FRMD4A: variants seen among roughly 807,000 people sequenced by gnomAD.
FRMD4A encodes FERM domain containing 4A, also known as FERM domain-containing protein 4A.
FRMD4A carries 29 observed loss-of-function variants against 129.1 expected under a neutral mutation model. The observed-to-expected ratio is 0.22, with a 90% CI of 0.17 to 0.31. FRMD4A has a LOEUF of 0.31. Among genes scored for constraint, FRMD4A ranks in the 10% least tolerant of loss-of-function variants. The pLI is 1.00. For missense variants in FRMD4A, 1,272 were observed against 1,375.8 expected (o/e 0.92, Z 1.19); for synonymous variants, 634 against 571.6 (o/e 1.11, Z -1.56).
At chr10:14,038,061 G>A (rs781467933) in intron 2 of FRMD4A, among the ~76,000 whole-genome samples, 5 of 152,184 alleles carry the variant, frequency 3.3e-5, no homozygotes, top group Admixed American at 1.3e-4. Flanking sequence ...GGTGGCTCAC[G>A]CCAGTAATCC....
chr10:14,010,129 CAAT>C (rs1039528173), intron 2 of FRMD4A, among the ~76,000 whole-genome samples: 3 of 151,924 alleles, frequency 2.0e-5, no homozygotes, highest in African/African-American at 7.3e-5. Flanking sequence ...GTGGGGGGGA[CAAT>C]GATGAGATGG....
intron 3 of FRMD4A, among the ~76,000 whole-genome samples, chr10:13,852,252 T>C (rs1478141660): frequency 6.6e-6 from 1 of 152,012 alleles, no homozygotes; most frequent in East Asian, 1.9e-4. Context: ...GATTTTAATT[T>C]TTTTTTTTTT....
In FRMD4A at chr10:13,701,368, T is replaced by C; in HGVS notation, c.947A>G (p.Gln316Arg). The C allele has an allele frequency of 6.2e-7, 1 of 1,614,090 alleles. No individual in the cohort carries two copies. The highest frequency in any genetic ancestry group is 2.2e-5 in the East Asian group (1 of 44,884). ...SIWAMAISQH[Q>R]FYLDRKQSKS... is the part of the protein sequence containing the mutation. Reference sequence around the variant, plus strand: ...ACTCTGCTTTCTGTCCAGATAGAACTGGTGTTGGCTTATGGCCATAGCCCA... The same window carrying C: ...ACTCTGCTTTCTGTCCAGATAGAACCGGTGTTGGCTTATGGCCATAGCCCA... The change falls in exon 14 of 25, where the codon CAG becomes CGG. Residue 316 changes from glutamine to arginine, a missense_variant. Gln to Arg is a conservative substitution (Grantham distance 43, BLOSUM62 1). Coordinates refer to ENST00000357447, the MANE Select transcript of FRMD4A (RefSeq NM_018027.5).
intron 2 of FRMD4A, among the ~76,000 whole-genome samples, chr10:14,009,968 C>T (rs899820881): frequency 6.6e-6 from 1 of 152,168 alleles, no homozygotes; most frequent in Non-Finnish European, 1.5e-5. Context: ...GAACGATACC[C>T]GATGATTGAG....
rs74122400 is a variant in FRMD4A, at chr10:14,214,695, A to G, written c.45+115363T>C. Among the ~76,000 whole-genome samples, 537 of 152,308 alleles carry G rather than the reference A, an allele frequency of 3.5e-3. 3 individuals are homozygous for G. Among genetic ancestry groups the G allele is most frequent in the African/African-American group, 0.012 (488 of 41,560 alleles). ...GAATGTTTATAGTCCTATTTTCTATAGATAATCTTGTGTTTGATATATTTC... is the reference window on the plus strand; with the variant it reads ...GAATGTTTATAGTCCTATTTTCTATGGATAATCTTGTGTTTGATATATTTC... On this transcript the variant is annotated intron_variant, in intron 2 of 24. Coordinates refer to ENST00000357447, the MANE Select transcript of FRMD4A (RefSeq NM_018027.5).
chr10:13,974,673 C>T (rs1350876140), intron 2 of FRMD4A, among the ~76,000 whole-genome samples: 2 of 152,124 alleles, frequency 1.3e-5, no homozygotes, highest in Non-Finnish European at 2.9e-5. Flanking sequence ...ATTACAGGCA[C>T]CCGCCACCAT....
At chr10:13,669,527 T>A (rs1255200881) in intron 17 of FRMD4A, among the ~76,000 whole-genome samples, 1 of 152,204 alleles carries the variant, frequency 6.6e-6, no homozygotes. Flanking sequence ...CTACCCCAGG[T>A]GTCCGTTTCT....
chr10:14,330,745 A>G lies in FRMD4A; in HGVS notation c.-230T>C, dbSNP rs975881374. On this transcript the variant is annotated 5_prime_UTR_variant, in exon 1 of 25. Coordinates refer to ENST00000357447, the MANE Select transcript of FRMD4A (RefSeq NM_018027.5). ...GCAAATGCCCTTACCATCCCCGAGG[A>G]GGAAGTCACTTAGGAACTGACCCTT... is the stretch of plus-strand genomic sequence containing the variant. 4 of 398,786 alleles carry G rather than the reference A, an allele frequency of 1.0e-5. No individual in the cohort carries two copies. Among genetic ancestry groups the G allele is most frequent in the African/African-American group, 8.2e-5 (4 of 48,608 alleles). 24.7% of individuals were successfully genotyped at this position (398,786 alleles called of 1,614,324 possible).
At chr10:14,013,010 G>A (rs2095687253) in intron 2 of FRMD4A, among the ~76,000 whole-genome samples, 1 of 152,238 alleles carries the variant, frequency 6.6e-6, no homozygotes, top group Admixed American at 6.5e-5. Context: ...AGATGCTGTC[G>A]TGACACTCCC....
In FRMD4A at chr10:13,905,810, C is replaced by T. The variant is rs561825901; in HGVS notation, c.46-46898G>A. Among the ~76,000 whole-genome samples, 6 of 152,228 alleles carry T rather than the reference C, an allele frequency of 3.9e-5. No individual in the cohort carries two copies. In the South Asian group the frequency reaches 6.2e-4, roughly 16 times the overall value. ...CCTCCAAAGTGCATTCCGTTTTTTCCGTCATGGCTTAATTTTGAGCAAAAG... is the reference window on the plus strand; with the variant it reads ...CCTCCAAAGTGCATTCCGTTTTTTCTGTCATGGCTTAATTTTGAGCAAAAG... On this transcript the variant is annotated intron_variant, in intron 2 of 24. Transcript: ENST00000357447.
chr10:13,806,858 A>C (rs528571509), intron 4 of FRMD4A, among the ~76,000 whole-genome samples: 1 of 152,274 alleles, frequency 6.6e-6, no homozygotes, highest in Non-Finnish European at 1.5e-5. Flanking sequence ...CCCAGGCTGG[A>C]GTGCAGTGGC....
chr10:13,681,353 C>A (rs1169996445), intron 15 of FRMD4A, among the ~76,000 whole-genome samples: 4 of 152,158 alleles, frequency 2.6e-5, no homozygotes, highest in Admixed American at 2.6e-4. Flanking sequence ...AGAGTTTAAT[C>A]TGAGCTGTCT....
intron 2 of FRMD4A, among the ~76,000 whole-genome samples, chr10:13,964,530 A>G (rs2095471398): frequency 6.6e-6 from 1 of 152,152 alleles, no homozygotes; most frequent in Non-Finnish European, 1.5e-5. Context: ...TCATGAAACC[A>G]ATGAAGCTTA....
At position 13,765,426 on chromosome 10, in the gene FRMD4A, A is replaced by G. The variant is rs114594484; in HGVS notation, c.385-2746T>C. ...GCCACCATGCCCGGCCGATTCATGG[A>G]TTTTGTAATTATTTTTTGAGAGGTC... On this transcript the variant is annotated intron_variant, in intron 6 of 24. Transcript: ENST00000357447. Among the ~76,000 whole-genome samples the G allele has an allele frequency of 3.6e-3, 552 of 152,090 alleles. 2 individuals carry two copies. Among genetic ancestry groups the G allele is most frequent in the African/African-American group, 0.012 (484 of 41,488 alleles).
chr10:14,001,006 A>C (rs1371047024), intron 2 of FRMD4A, among the ~76,000 whole-genome samples: 1 of 152,192 alleles, frequency 6.6e-6, no homozygotes, highest in Admixed American at 6.5e-5. Flanking sequence ...GACATGACCC[A>C]AAAACCCAAC....
At chr10:13,719,017 T>C (rs530431261) in intron 12 of FRMD4A, among the ~76,000 whole-genome samples, 1 of 152,326 alleles carries the variant, frequency 6.6e-6, no homozygotes, top group Non-Finnish European at 1.5e-5. Context: ...TTAGCTATTA[T>C]GACAACTGAA....
rs750581830 is a variant in FRMD4A at position 13,762,615 on chromosome 10, A to C, written c.441+9T>G. 1 of 1,545,870 alleles carries C rather than the reference A, an allele frequency of 6.5e-7. No homozygotes were observed. The highest frequency in any genetic ancestry group is 8.9e-7 in the Non-Finnish European group (1 of 1,118,128). The stretch of plus-strand genomic sequence containing the variant: ...GTGGGACATAAAGAGGAGGAGAAAA[A>C]CAACTTACCTGTAAAATATAGGAAG... On this transcript the variant is annotated intron_variant, in intron 7 of 24. Coordinates refer to ENST00000357447, the MANE Select transcript of FRMD4A (RefSeq NM_018027.5).
chr10:13,779,004 CATTT>C (rs66555199), intron 6 of FRMD4A, among the ~76,000 whole-genome samples: 108,221 of 151,296 alleles, frequency 0.72, 39,179 homozygotes, highest in East Asian at 0.95. Context: ...CTGGGCTTTA[CATTT>C]ATTTATTTAT....
At position 14,330,741 on chromosome 10, in the gene FRMD4A, G is replaced by A; in HGVS notation, c.-226C>T. 1 of 398,808 alleles carries A rather than the reference G, an allele frequency of 2.5e-6. No homozygotes were observed. Among genetic ancestry groups the A allele is most frequent in the Non-Finnish European group, 4.4e-6 (1 of 226,308 alleles). 24.7% of individuals were successfully genotyped at this position (398,808 alleles called of 1,614,324 possible). On this transcript the variant is annotated 5_prime_UTR_variant, in exon 1 of 25. Coordinates refer to ENST00000357447, the MANE Select transcript of FRMD4A (RefSeq NM_018027.5). ...ATCAGCAAATGCCCTTACCATCCCC[G>A]AGGAGGAAGTCACTTAGGAACTGAC...
Sources: gnomAD v4.1 joint callset for allele counts (sites outside exome capture counted in the v4.1 genomes callset) on GRCh38, gnomAD v4.1.1 for gene constraint, MANE v1.5 for transcripts, NCBI Gene and HGNC (gene_info 2026-07-23, HGNC 2026-07-21) for gene names.